The following SDAD1 variants were observed in gnomAD, a reference collection of about 807,000 sequenced individuals.
The protein encoded by SDAD1 is SDA1 domain containing 1, also known as protein SDA1 homolog.
Under a neutral mutation model 100.3 loss-of-function variants are expected in SDAD1, and 79 were observed. That is an observed-to-expected ratio of 0.79 (90% CI 0.66 to 0.95). SDAD1 has a LOEUF of 0.95. Among genes scored for constraint, SDAD1 ranks in the 40% least tolerant of loss-of-function variants. The pLI is 0.00. For missense variants in SDAD1, 790 were observed against 810.9 expected (o/e 0.97, Z 0.31); for synonymous variants, 267 against 271.4 (o/e 0.98, Z 0.16).
At chr4:75,978,271 A>C (rs1477288229) in intron 3 of SDAD1, among the ~76,000 whole-genome samples, 2 of 122,978 alleles carry the variant, frequency 1.6e-5, no homozygotes, top group Admixed American at 2.0e-4. Context: ...GGGTCTCGCT[A>C]TATTGCCTAG....
Position 75,984,778 on chromosome 4 carries a change from A to C in SDAD1, c.91-2741T>G, listed in dbSNP as rs113977161. Among the ~76,000 whole-genome samples the C allele has an allele frequency of 5.1e-3, 698 of 136,998 alleles. 10 individuals carry two copies. The highest frequency in any genetic ancestry group is 0.022 in the Middle Eastern group (6 of 268). The allele number at this position is 136,998 out of a possible 152,430, so 89.9% of individuals were successfully genotyped here. On this transcript the variant is annotated intron_variant, in intron 1 of 21. Coordinates refer to ENST00000356260, the MANE Select transcript of SDAD1 (RefSeq NM_018115.4). Reference sequence around the variant, plus strand: ...TATGTGACATACACACACACACACAAACACACACACACACACACACACACA... The same window carrying C: ...TATGTGACATACACACACACACACACACACACACACACACACACACACACA...
In SDAD1 at chr4:75,950,602, A is replaced by G. The variant is rs1728577620; in HGVS notation, c.*148T>C. On this transcript the variant is annotated 3_prime_UTR_variant, in exon 22 of 22. Transcript: ENST00000356260. Reference sequence around the variant, plus strand: ...TACCATTAGCCGTCTCCAAAATAAAAACACAAAATTGCTGCCACATGTTCA... The same window carrying G: ...TACCATTAGCCGTCTCCAAAATAAAGACACAAAATTGCTGCCACATGTTCA... 8.0e-6 allele frequency: 4 copies of G among 499,328 alleles called. No homozygotes were observed. Among genetic ancestry groups the G allele is most frequent in the South Asian group, 5.1e-5 (1 of 19,716 alleles). 30.9% of individuals were successfully genotyped at this position (499,328 alleles called of 1,614,324 possible).
At chr4:75,990,197 T>G (rs1000980968) in intron 1 of SDAD1, among the ~76,000 whole-genome samples, 6 of 151,952 alleles carry the variant, frequency 3.9e-5, no homozygotes, top group Admixed American at 2.6e-4. Context: ...ATCCGAGTCA[T>G]GCCAGTCTCC....
At chr4:75,968,220 C>T (rs1166691610) in intron 11 of SDAD1, among the ~76,000 whole-genome samples, 1 of 152,108 alleles carries the variant, frequency 6.6e-6, no homozygotes, top group African/African-American at 2.4e-5. Flanking sequence ...ACAAATGTAA[C>T]AAGAATTGAT....
intron 4 of SDAD1, among the ~76,000 whole-genome samples, 198 bp from the exon 5 acceptor site, chr4:75,976,193 A>G (rs187620577): frequency 1.1e-3 from 169 of 152,342 alleles, no homozygotes; most frequent in Non-Finnish European, 1.2e-3. Context: ...GAAGTTAAAC[A>G]TGGAGTTTAA....
intron 12 of SDAD1, among the ~76,000 whole-genome samples, chr4:75,966,593 C>G (rs983879519): frequency 1.3e-5 from 2 of 152,128 alleles, no homozygotes; most frequent in African/African-American, 4.8e-5. Context: ...TTCTTTCCTG[C>G]TTTTGTGTTG....
chr4:75,977,780 A>C (rs771446875), intron 3 of SDAD1, 24 bp from the exon 4 acceptor site: 1 of 1,392,560 alleles, frequency 7.2e-7, no homozygotes, highest in Non-Finnish European at 1.0e-6. Context: ...AAAACATACC[A>C]TAAGACAATG....
intron 1 of SDAD1, among the ~76,000 whole-genome samples, chr4:75,983,887 CCTAGGTTTTCTT>C (rs555772775): frequency 5.3e-4 from 80 of 152,076 alleles, no homozygotes; most frequent in African/African-American, 1.9e-3. Context: ...AATGGTATTG[CCTAGGTTTTCTT>C]CTAGGGTTTT....
rs768001972 is a variant in SDAD1, at chr4:75,973,356, T to C, written c.672A>G (p.Lys224=). The C allele has an allele frequency of 2.5e-6, 4 of 1,613,764 alleles. No homozygotes were observed. Among genetic ancestry groups the C allele is most frequent in the Non-Finnish European group, 3.4e-6 (4 of 1,179,836 alleles). The part of the protein sequence containing the change: ...LVAALTFFLG[K]DEDEKQDSDS... ...CACTGTCCTGTTTTTCATCTTCATC[T>C]TTCCCAAGAAAGAATGTCAAAGCGG... is the stretch of plus-strand genomic sequence containing the variant. Residue 224 remains lysine, a synonymous_variant, in exon 8 of 22, where the codon AAA becomes AAG. Transcript: ENST00000356260.
intron 8 of SDAD1, 48 bp downstream of exon 8, chr4:75,973,269 G>T: frequency 1.4e-6 from 2 of 1,444,768 alleles, no homozygotes; most frequent in Non-Finnish European, 1.9e-6. Context: ...TGTGTACTCA[G>T]AGCAATAATA....
intron 16 of SDAD1, 29 bp downstream of exon 16, chr4:75,960,999 T>G: frequency 6.3e-7 from 1 of 1,594,926 alleles, no homozygotes; most frequent in Non-Finnish European, 8.6e-7. Context: ...ACCATAACCT[T>G]TAGACCAACA....
chr4:75,972,392 T>C (rs895968470), intron 8 of SDAD1, among the ~76,000 whole-genome samples: 1 of 149,388 alleles, frequency 6.7e-6, no homozygotes, highest in Non-Finnish European at 1.5e-5. Flanking sequence ...ACAGTGAAGG[T>C]CCGCGGCTCC....
chr4:75,962,127 C>T (rs1408632021), intron 14 of SDAD1, among the ~76,000 whole-genome samples: 1 of 152,126 alleles, frequency 6.6e-6, no homozygotes, highest in Non-Finnish European at 1.5e-5. Flanking sequence ...CAATTCCCAC[C>T]TGTGAGTGAG....
chr4:75,976,671 A>G (rs1056124822), intron 4 of SDAD1, among the ~76,000 whole-genome samples: 3 of 152,194 alleles, frequency 2.0e-5, no homozygotes, highest in Non-Finnish European at 4.4e-5. Context: ...CTGTGAATAC[A>G]CTAAAAAACA....
chr4:75,953,826 C>T (rs1728741570), intron 21 of SDAD1, among the ~76,000 whole-genome samples: 1 of 152,158 alleles, frequency 6.6e-6, no homozygotes, highest in Non-Finnish European at 1.5e-5. Context: ...CACTGCTACA[C>T]CACAAGGAGA....
At position 75,972,793 on chromosome 4, in the gene SDAD1, G is replaced by A. The variant is rs904031020; in HGVS notation, c.711+524C>T. 4.0e-5 allele frequency among the ~76,000 whole-genome samples: 6 copies of A among 151,702 alleles called. No individual in the cohort carries two copies. The South Asian group carries it at 8.3e-4, about 21-fold the overall frequency. ...TCCCAGCACTTTGGGAGGCCGAGGC[G>A]GGTGGATCGTGAGGTCAGGAGATCA... On this transcript the variant is annotated intron_variant, in intron 8 of 21. Transcript: ENST00000356260.
chr4:75,956,552 G>A (rs1237542480), intron 20 of SDAD1, among the ~76,000 whole-genome samples: 1 of 152,134 alleles, frequency 6.6e-6, no homozygotes, highest in Non-Finnish European at 1.5e-5. Flanking sequence ...GGAACTAGGA[G>A]GGGACAGTGT....
chr4:75,956,400 T>C (rs936092106), intron 20 of SDAD1, among the ~76,000 whole-genome samples: 1 of 80,568 alleles, frequency 1.2e-5, no homozygotes, highest in Non-Finnish European at 3.0e-5. Context: ...TAGACTGTTT[T>C]TTTTTTGTTT....
chr4:75,965,667 A>G, intron 13 of SDAD1, 97 bp downstream of exon 13: 1 of 935,420 alleles, frequency 1.1e-6, no homozygotes, highest in Non-Finnish European at 1.7e-6. Flanking sequence ...CCCACGTTGA[A>G]TTATCGGGGG....
Sources: gnomAD v4.1 joint callset for allele counts (sites outside exome capture counted in the v4.1 genomes callset) on GRCh38, gnomAD v4.1.1 for gene constraint, MANE v1.5 for transcripts, NCBI Gene and HGNC (gene_info 2026-07-23, HGNC 2026-07-21) for gene names.